The following FRMPD4 variants were observed in gnomAD, a reference collection of about 807,000 sequenced individuals.
FRMPD4 encodes FERM and PDZ domain-containing protein 4.
FRMPD4 carries 22 observed loss-of-function variants against 94.1 expected under a neutral mutation model. The observed-to-expected ratio is 0.23, with a 90% CI of 0.17 to 0.33. The LOEUF (loss-of-function observed/expected upper bound fraction) is 0.33. FRMPD4 is among the 10% of genes least tolerant of loss of function. FRMPD4 has a pLI of 1.00. For synonymous variants in FRMPD4, 631 were observed against 548.6 expected (o/e 1.15, Z -2.10); for missense variants, 1,111 against 1,339.9 (o/e 0.83, Z 2.67).
At chrX:12,026,421 G>A (rs995945898) in intron 3 of FRMPD4, among the ~76,000 whole-genome samples, 16 of 111,389 alleles carry the variant, frequency 1.4e-4, no homozygotes, top group Non-Finnish European at 2.6e-4. Flanking sequence ...TAATTTAACC[G>A]AGAAATGTGA....
chrX:11,866,376 A>C (rs2053718747), intron 2 of FRMPD4, among the ~76,000 whole-genome samples: 1 of 111,587 alleles, frequency 9.0e-6, no homozygotes, highest in Non-Finnish European at 1.9e-5. Flanking sequence ...AGCTCAGGTA[A>C]TAAAGGGCCA....
chrX:12,058,945 G>A (rs1486630661), intron 3 of FRMPD4, among the ~76,000 whole-genome samples: 1 of 111,005 alleles, frequency 9.0e-6, no homozygotes, highest in Non-Finnish European at 1.9e-5. Flanking sequence ...AATAGTGTTG[G>A]GGTTTAGAAA....
intron 2 of FRMPD4, among the ~76,000 whole-genome samples, chrX:12,510,515 G>A (rs146653621): frequency 0.031 from 3,498 of 111,411 alleles, 121 homozygotes; most frequent in African/African-American, 0.11. Flanking sequence ...GCAAGATGGC[G>A]GACTAGGAAG....
intron 1 of FRMPD4, among the ~76,000 whole-genome samples, chrX:12,444,780 C>T (rs1381881656): frequency 9.0e-6 from 1 of 111,417 alleles, no homozygotes; most frequent in Admixed American, 9.6e-5. Context: ...AACAAGCCTA[C>T]TCTCAAGATA....
chrX:12,340,672 TTTA>T (rs895217572), intron 1 of FRMPD4, among the ~76,000 whole-genome samples: 14 of 112,003 alleles, frequency 1.2e-4, no homozygotes, highest in Middle Eastern at 4.6e-3. Context: ...ATAAAAAAAA[TTTA>T]TTTTTATGTA....
intron 3 of FRMPD4, among the ~76,000 whole-genome samples, chrX:12,019,279 C>T (rs1275962378): frequency 9.2e-6 from 1 of 108,692 alleles, no homozygotes; most frequent in Non-Finnish European, 1.9e-5. Context: ...TATCTTTCTT[C>T]CTCAGCCCCG....
chrX:12,146,946 T>C (rs1483507219), intron 1 of FRMPD4, among the ~76,000 whole-genome samples: 1 of 112,016 alleles, frequency 8.9e-6, no homozygotes. Flanking sequence ...GAGAGAATGG[T>C]AGAAGATTGG....
chrX:11,971,807 G>A (rs779928812), intron 3 of FRMPD4, among the ~76,000 whole-genome samples: 102 of 112,313 alleles, frequency 9.1e-4, no homozygotes, highest in African/African-American at 3.3e-3. Flanking sequence ...AGATAAAAAC[G>A]CCAATAATTA....
chrX:12,074,330 G>A (rs965079297), intron 3 of FRMPD4, among the ~76,000 whole-genome samples: 1 of 110,964 alleles, frequency 9.0e-6, no homozygotes, highest in African/African-American at 3.3e-5. Flanking sequence ...TTTTTCCCAG[G>A]TGTTTTCCCT....
At chrX:12,588,409 C>T (rs1306401152) in intron 2 of FRMPD4, among the ~76,000 whole-genome samples, 1 of 112,391 alleles carries the variant, frequency 8.9e-6, no homozygotes, top group Non-Finnish European at 1.9e-5. Context: ...CCTCATGATG[C>T]TGTTACTGAT....
chrX:12,580,807 G>A (rs2058857473), intron 2 of FRMPD4, among the ~76,000 whole-genome samples: 1 of 111,997 alleles, frequency 8.9e-6, no homozygotes, highest in African/African-American at 3.2e-5. Context: ...AATGACTAAT[G>A]GGTGTGTAGT....
chrX:12,492,576 A>C (rs1458629500), intron 1 of FRMPD4, among the ~76,000 whole-genome samples: 2 of 112,288 alleles, frequency 1.8e-5, no homozygotes, highest in East Asian at 5.6e-4. Flanking sequence ...ATCTGCTTTC[A>C]TGAGGCTTGG....
At chrX:12,390,985 C>T (rs768231031) in intron 1 of FRMPD4, among the ~76,000 whole-genome samples, 1 of 112,000 alleles carries the variant, frequency 8.9e-6, no homozygotes, top group East Asian at 2.8e-4. Context: ...ATGGCAGGTA[C>T]TTCATAGAGT....
chrX:12,573,822 G>T (rs905388446), intron 2 of FRMPD4, among the ~76,000 whole-genome samples: 1 of 111,775 alleles, frequency 8.9e-6, no homozygotes, highest in African/African-American at 3.3e-5. Flanking sequence ...GGCGTTTTTT[G>T]GATGTGTGAT....
chrX:12,070,112 A>T (rs1569152866), intron 3 of FRMPD4, among the ~76,000 whole-genome samples: 1 of 110,790 alleles, frequency 9.0e-6, no homozygotes, highest in Non-Finnish European at 1.9e-5. Flanking sequence ...GCTAGCAATG[A>T]TCACATAGAG....
At chrX:12,510,185 C>T (rs1022074594) in intron 2 of FRMPD4, among the ~76,000 whole-genome samples, 1 of 112,313 alleles carries the variant, frequency 8.9e-6, no homozygotes, top group Non-Finnish European at 1.9e-5. Context: ...AATGATAAAA[C>T]TGTTACAGCC....
intron 2 of FRMPD4, among the ~76,000 whole-genome samples, chrX:12,528,321 T>G (rs2058248072): frequency 4.0e-5 from 2 of 50,121 alleles, no homozygotes; most frequent in East Asian, 4.7e-4. Context: ...TTGTTTTTGT[T>G]TTTTTTTTTT....
chrX:12,187,501 T>G (rs1347826459), intron 1 of FRMPD4, among the ~76,000 whole-genome samples: 2 of 111,873 alleles, frequency 1.8e-5, no homozygotes, highest in African/African-American at 6.5e-5. Context: ...AAAATATCCT[T>G]GAAAATATTT....
intron 1 of FRMPD4, among the ~76,000 whole-genome samples, chrX:12,332,123 T>TATATAATTTATATTATATATAA (rs2055431657): frequency 2.4e-5 from 2 of 82,144 alleles, no homozygotes; most frequent in East Asian, 7.2e-4. Flanking sequence ...ATAATTTATA[T>TATATAATTTATATTATATATAA]TTTATATATT....
Sources: gnomAD v4.1 joint callset for allele counts (sites outside exome capture counted in the v4.1 genomes callset) on GRCh38, gnomAD v4.1.1 for gene constraint, MANE v1.5 for transcripts, NCBI Gene and HGNC (gene_info 2026-07-23, HGNC 2026-07-21) for gene names.